ARPP21: variants seen among roughly 807,000 people sequenced by gnomAD.
ARPP21 encodes the protein cAMP-regulated phosphoprotein 21.
Under a neutral mutation model 113.2 loss-of-function variants are expected in ARPP21, and 69 were observed. The ratio of observed to expected loss-of-function variants is 0.61; its 90% CI spans 0.50 to 0.74. The LOEUF (loss-of-function observed/expected upper bound fraction) is 0.74, where lower values mean the gene tolerates loss of function less well. ARPP21 is among the 30% of genes least tolerant of loss of function. The pLI, the probability that ARPP21 is intolerant of heterozygous loss-of-function variation, is 0.00. For missense variants in ARPP21, 1,070 were observed against 1,037.4 expected (o/e 1.03, Z -0.43); for synonymous variants, 368 against 375.5 (o/e 0.98, Z 0.23).
chr3:35,664,721 G>A (rs1709417355), intron 1 of ARPP21, among the ~76,000 whole-genome samples: 1 of 152,176 alleles, frequency 6.6e-6, no homozygotes, highest in Admixed American at 6.5e-5. Flanking sequence ...TTTGAGGTGG[G>A]GGCTCAGCTG....
Position 35,690,075 on chromosome 3 carries a change from T to C in ARPP21, c.486-6T>C. ...AAACCTTTTAAATTTAACATTTATTTTGCAGGGACAGGATGATACTTTTGA... is the reference window on the plus strand; with the variant it reads ...AAACCTTTTAAATTTAACATTTATTCTGCAGGGACAGGATGATACTTTTGA... On this transcript the variant is annotated splice_region_variant and splice_polypyrimidine_tract_variant and intron_variant, in intron 7 of 20. Transcript: ENST00000684406. 1 of 1,265,478 alleles carries C rather than the reference T, an allele frequency of 7.9e-7. No individual in the cohort carries two copies. The highest frequency in any genetic ancestry group is 2.3e-5 in the East Asian group (1 of 43,010). The allele number at this position is 1,265,478 out of a possible 1,614,324, so 78.4% of individuals were successfully genotyped here.
chr3:35,774,506 AC>A (rs2096295868), intron 19 of ARPP21, among the ~76,000 whole-genome samples: 1 of 151,930 alleles, frequency 6.6e-6, no homozygotes, highest in African/African-American at 2.4e-5. Context: ...TCCCTCTTCT[AC>A]CCCCTTTTAA....
chr3:35,661,236 C>T (rs1337524588), intron 1 of ARPP21, among the ~76,000 whole-genome samples: 3 of 152,126 alleles, frequency 2.0e-5, no homozygotes, highest in Non-Finnish European at 4.4e-5. Flanking sequence ...ACATCAAATA[C>T]AGAATATAAT....
At chr3:35,668,020 GAAGAAGAAGAAGGAGA>G (rs1559550479) in intron 1 of ARPP21, among the ~76,000 whole-genome samples, 8 of 149,118 alleles carry the variant, frequency 5.4e-5, no homozygotes, top group African/African-American at 1.5e-4. Flanking sequence ...AGAAGAAGAA[GAAGAAGAAGAAGGAGA>G]AGAAGAAGAA....
chr3:35,673,045 C>T (rs772397064), intron 1 of ARPP21, among the ~76,000 whole-genome samples: 30 of 152,100 alleles, frequency 2.0e-4, no homozygotes, highest in Non-Finnish European at 4.0e-4. Flanking sequence ...CACTGTAGTA[C>T]TCAATAAAAG....
At chr3:35,721,918 C>A in intron 14 of ARPP21, 84 bp downstream of exon 14, 1 of 797,930 alleles carries the variant, frequency 1.3e-6, no homozygotes, top group Non-Finnish European at 2.0e-6. Flanking sequence ...CTCTGACTTT[C>A]AGTTGACTGA....
chr3:35,758,310 A>G (rs2095644579), intron 19 of ARPP21, among the ~76,000 whole-genome samples: 1 of 152,076 alleles, frequency 6.6e-6, no homozygotes, highest in African/African-American at 2.4e-5. Context: ...AAGCTTTCAA[A>G]TCTCTCATGT....
chr3:35,782,165 C>T (rs1454941236), intron 19 of ARPP21, among the ~76,000 whole-genome samples: 1 of 152,172 alleles, frequency 6.6e-6, no homozygotes, highest in East Asian at 1.9e-4. Flanking sequence ...AAATATCTTA[C>T]TGAAGCCTGT....
chr3:35,772,907 C>T (rs974147498), intron 19 of ARPP21, among the ~76,000 whole-genome samples: 1 of 152,128 alleles, frequency 6.6e-6, no homozygotes, highest in African/African-American at 2.4e-5. Flanking sequence ...TCCTATAACA[C>T]AGTCTGTCAT....
At chr3:35,764,576 G>A (rs938813261) in intron 19 of ARPP21, among the ~76,000 whole-genome samples, 3 of 152,016 alleles carry the variant, frequency 2.0e-5, no homozygotes, top group African/African-American at 4.8e-5. Flanking sequence ...TGGATATTCC[G>A]GGATTGACCA....
intron 1 of ARPP21, among the ~76,000 whole-genome samples, chr3:35,665,962 A>G (rs2074265616): frequency 6.6e-6 from 1 of 152,054 alleles, no homozygotes; most frequent in Admixed American, 6.6e-5. Flanking sequence ...CACCCAGATC[A>G]TTGCTCACTG....
intron 9 of ARPP21, 66 bp downstream of exon 9, chr3:35,691,071 C>A: frequency 6.6e-7 from 1 of 1,512,454 alleles, no homozygotes; most frequent in Non-Finnish European, 8.9e-7. Flanking sequence ...TATAAGATCA[C>A]AGTATAAAAT....
chr3:35,712,577 T>A (rs1258349977), intron 11 of ARPP21, among the ~76,000 whole-genome samples: 1 of 151,158 alleles, frequency 6.6e-6, no homozygotes, highest in African/African-American at 2.4e-5. Context: ...AGAGAGAGTG[T>A]GTGTGTGTAT....
At chr3:35,667,740 T>C (rs2149253295) in intron 1 of ARPP21, among the ~76,000 whole-genome samples, 1 of 151,896 alleles carries the variant, frequency 6.6e-6, no homozygotes, top group East Asian at 1.9e-4. Flanking sequence ...CAAGTTAATT[T>C]ATAATGAAAT....
chr3:35,681,958 G>A, intron 3 of ARPP21, 78 bp downstream of exon 3: 1 of 1,439,496 alleles, frequency 6.9e-7, no homozygotes, highest in Non-Finnish European at 9.3e-7. Flanking sequence ...ATACTTTAGA[G>A]ATTTATTTTT....
At chr3:35,660,865 A>G (rs905021370) in intron 1 of ARPP21, among the ~76,000 whole-genome samples, 7 of 152,164 alleles carry the variant, frequency 4.6e-5, no homozygotes, top group Non-Finnish European at 8.8e-5. Context: ...TATCTTGAAA[A>G]TTAGTGAACA....
intron 11 of ARPP21, among the ~76,000 whole-genome samples, chr3:35,710,473 A>C (rs907579021): frequency 6.6e-6 from 1 of 151,862 alleles, no homozygotes; most frequent in Non-Finnish European, 1.5e-5. Context: ...AGCTTCATAG[A>C]GATAATTTTT....
At chr3:35,695,161 A>G (rs909139229) in intron 9 of ARPP21, among the ~76,000 whole-genome samples, 15 of 151,452 alleles carry the variant, frequency 9.9e-5, no homozygotes, top group Non-Finnish European at 2.1e-4. Flanking sequence ...CTTATGCCAC[A>G]TCTACAAGAG....
At chr3:35,737,109 CAG>C in intron 15 of ARPP21, 67 bp from the exon 16 acceptor site, 2 of 913,352 alleles carry the variant, frequency 2.2e-6, no homozygotes, top group Non-Finnish European at 3.5e-6. Context: ...GAGTATCTAA[CAG>C]AGTGGTTCTT....
Sources: allele counts gnomAD v4.1 joint callset (sites outside exome capture counted in the v4.1 genomes callset), GRCh38; gene constraint gnomAD v4.1.1; transcripts MANE v1.5; gene names NCBI Gene and HGNC (gene_info 2026-07-23, HGNC 2026-07-21).